The following TTC7B variants were observed in gnomAD, a reference collection of about 807,000 sequenced individuals.
TTC7B encodes tetratricopeptide repeat protein 7B.
In TTC7B, 28 loss-of-function variants were observed where a neutral mutation model predicts 106.8. The ratio of observed to expected loss-of-function variants is 0.26; its 90% CI spans 0.19 to 0.36. The LOEUF (loss-of-function observed/expected upper bound fraction) is 0.36, where lower values mean the gene tolerates loss of function less well. TTC7B is among the 10% of genes least tolerant of loss of function. The pLI is 1.00. For missense variants in TTC7B, 862 were observed against 1,076.4 expected (o/e 0.80, Z 2.79); for synonymous variants, 405 against 430.6 (o/e 0.94, Z 0.74).
At position 90,624,412 on chromosome 14, in the gene TTC7B, G is replaced by A. The variant is rs1032399381; in HGVS notation, c.1752-6367C>T. The stretch of plus-strand genomic sequence containing the variant: ...CAGGAAATGAGTCAGAGCGGCACTT[G>A]TCAGGGCCATGCTCGGTGTCTCATG... On this transcript the variant is annotated intron_variant, in intron 15 of 19. Transcript: ENST00000328459. This position sits in a 1 kb window ranked among gnomAD's most constrained non-coding sequence, Gnocchi z 4.0. Among the ~76,000 whole-genome samples the A allele has an allele frequency of 2.0e-5, 3 of 152,174 alleles. No individual in the cohort carries two copies. The highest frequency in any genetic ancestry group is 2.9e-5 in the Non-Finnish European group (2 of 68,038).
At chr14:90,613,821 A>G (rs545258224) in intron 16 of TTC7B, among the ~76,000 whole-genome samples, 1 of 152,358 alleles carries the variant, frequency 6.6e-6, no homozygotes, top group East Asian at 1.9e-4. Context: ...AGGACCCCAG[A>G]TCCATGGTAT....
chr14:90,589,264 T>G (rs1555378093), intron 18 of TTC7B, among the ~76,000 whole-genome samples: 1 of 152,142 alleles, frequency 6.6e-6, no homozygotes, highest in Non-Finnish European at 1.5e-5. Flanking sequence ...TAAAAAAAAA[T>G]ACACAGTCAG....
chr14:90,771,058 G>T (rs1303165208), intron 3 of TTC7B, among the ~76,000 whole-genome samples: 1 of 152,144 alleles, frequency 6.6e-6, no homozygotes, highest in East Asian at 1.9e-4. Context: ...GAGGGGAATG[G>T]GGAGTTATTG....
At chr14:90,746,399 C>G (rs1322606022) in intron 3 of TTC7B, among the ~76,000 whole-genome samples, 1 of 152,032 alleles carries the variant, frequency 6.6e-6, no homozygotes, top group Non-Finnish European at 1.5e-5. Context: ...TCCTTTAGTA[C>G]CTGTAGAATC....
chr14:90,771,772 A>G (rs1267652646), intron 3 of TTC7B, among the ~76,000 whole-genome samples: 1 of 151,608 alleles, frequency 6.6e-6, no homozygotes, highest in Non-Finnish European at 1.5e-5. Context: ...AAAAATAGTA[A>G]ATACATATAA....
At chr14:90,635,612 T>A (rs1372591418) in intron 15 of TTC7B, among the ~76,000 whole-genome samples, 1 of 151,220 alleles carries the variant, frequency 6.6e-6, no homozygotes, top group Non-Finnish European at 1.5e-5. Flanking sequence ...TACAAAAAAT[T>A]AGCCAGGTAT....
At chr14:90,547,921 T>A (rs985794606) in intron 19 of TTC7B, among the ~76,000 whole-genome samples, 19 of 152,104 alleles carry the variant, frequency 1.2e-4, no homozygotes, top group African/African-American at 4.6e-4. Flanking sequence ...TACAGGGAGA[T>A]AACGTCCCTG....
chr14:90,752,679 C>T (rs1206486623), intron 3 of TTC7B, among the ~76,000 whole-genome samples: 1 of 152,202 alleles, frequency 6.6e-6, no homozygotes, highest in Non-Finnish European at 1.5e-5. Flanking sequence ...ATTTCTAATT[C>T]CCACAGCCAC....
At chr14:90,767,675 C>G in intron 3 of TTC7B, among the ~76,000 whole-genome samples, 1 of 152,114 alleles carries the variant, frequency 6.6e-6, no homozygotes, top group East Asian at 1.9e-4. Context: ...TACCCAGTTT[C>G]TTGTGTTATA....
intron 1 of TTC7B, among the ~76,000 whole-genome samples, chr14:90,815,496 G>C (rs769913008): frequency 2.3e-4 from 35 of 151,322 alleles, no homozygotes; most frequent in Non-Finnish European, 3.7e-4. Flanking sequence ...TTCCCATCTC[G>C]CTCCACAATA....
chr14:90,754,523 C>CA (rs1890227400), intron 3 of TTC7B, among the ~76,000 whole-genome samples: 1 of 152,108 alleles, frequency 6.6e-6, no homozygotes, highest in African/African-American at 2.4e-5. Context: ...TGGAAAGTCT[C>CA]CAAGTAGAAG....
chr14:90,738,377 A>G (rs1321548904), intron 4 of TTC7B, among the ~76,000 whole-genome samples: 1 of 152,154 alleles, frequency 6.6e-6, no homozygotes, highest in Non-Finnish European at 1.5e-5. Flanking sequence ...TCGGAGGCCA[A>G]GCTCTCGAAT....
At chr14:90,786,670 C>T (rs2140041529) in intron 1 of TTC7B, among the ~76,000 whole-genome samples, 1 of 152,232 alleles carries the variant, frequency 6.6e-6, no homozygotes, top group East Asian at 1.9e-4. Context: ...ACCTCCACCT[C>T]CCGGGTTCAA....
At chr14:90,749,030 T>C (rs984791857) in intron 3 of TTC7B, among the ~76,000 whole-genome samples, 2 of 152,196 alleles carry the variant, frequency 1.3e-5, no homozygotes, top group African/African-American at 2.4e-5. Flanking sequence ...TTTGCTTTTT[T>C]CCCCCTCCAT....
chr14:90,569,515 G>A (rs910704553), intron 19 of TTC7B: 3 of 152,242 alleles, frequency 2.0e-5, no homozygotes, highest in Non-Finnish European at 4.4e-5. Context: ...GCTCCTCTGT[G>A]GAGGAGGGCA....
rs143079188 is a variant in TTC7B, at chr14:90,792,635, G to A, written c.122-6307C>T. On this transcript the variant is annotated intron_variant, in intron 1 of 19. Coordinates refer to ENST00000328459, the MANE Select transcript of TTC7B (RefSeq NM_001010854.2). The stretch of plus-strand genomic sequence containing the variant: ...AGCACGGTGCAGGAAAATGATCAAC[G>A]GAGAAAAAAGTTTTTCCTCAGAATT... 3.7e-3 allele frequency among the ~76,000 whole-genome samples: 570 copies of A among 152,072 alleles called. 2 individuals are homozygous for A. Among genetic ancestry groups the A allele is most frequent in the African/African-American group, 0.013 (529 of 41,488 alleles).
At chr14:90,814,154 G>A (rs757052852) in intron 1 of TTC7B, among the ~76,000 whole-genome samples, 6 of 152,098 alleles carry the variant, frequency 3.9e-5, no homozygotes, top group Admixed American at 1.3e-4. Flanking sequence ...CAGTGCCCCC[G>A]CAAACCCCGA....
In TTC7B at chr14:90,655,052, T is replaced by G; in HGVS notation, c.1400A>C (p.Glu467Ala). The change falls in exon 12 of 20, where the codon GAG (glutamate) becomes GCG (alanine). Residue 467 changes from glutamate to alanine, a missense_variant. Glu to Ala is a moderately radical substitution (Grantham distance 107). Coordinates refer to ENST00000328459, the MANE Select transcript of TTC7B (RefSeq NM_001010854.2). ...AGCTAAGTAGCCTTTGGCCTTGAAC[T>G]CTGACGTTTTCTCTCCCACATCAAC... ...TVVDVGEKTS[E>A]FKAKGYLALG... is the part of the protein sequence containing the mutation. 6.2e-7 allele frequency: 1 copy of G among 1,614,220 alleles called. No homozygotes were observed. The highest frequency in any genetic ancestry group is 8.5e-7 in the Non-Finnish European group (1 of 1,180,034).
At chr14:90,764,000 C>T (rs1432597215) in intron 3 of TTC7B, among the ~76,000 whole-genome samples, 3 of 151,936 alleles carry the variant, frequency 2.0e-5, no homozygotes, top group Non-Finnish European at 4.4e-5. Context: ...GAAATGTAAG[C>T]CAAAAAAATC....
Sources: gnomAD v4.1 joint callset for allele counts (sites outside exome capture counted in the v4.1 genomes callset) on GRCh38, gnomAD v4.1.1 for gene constraint, Gnocchi (gnomAD v3.1) non-coding constraint, MANE v1.5 for transcripts, NCBI Gene and HGNC (gene_info 2026-07-23, HGNC 2026-07-21) for gene names.